FBXO34: variants seen among roughly 807,000 people sequenced by gnomAD.
The protein encoded by FBXO34 is F-box protein 34.
FBXO34 carries 12 observed loss-of-function variants against 24.5 expected under a neutral mutation model. That is an observed-to-expected ratio of 0.49 (90% confidence interval 0.31 to 0.79). The LOEUF is 0.79. Among genes scored for constraint, FBXO34 ranks in the 30% least tolerant of loss-of-function variants. FBXO34 has a pLI of 0.04. For synonymous variants in FBXO34, 320 were observed against 311.9 expected, an observed-to-expected ratio of 1.03 and a Z score of -0.27; for missense variants, 823 against 857.7, an observed-to-expected ratio of 0.96 and a Z score of 0.51.
chr14:55,326,305 C>T (rs1413425231), intron 1 of FBXO34, among the ~76,000 whole-genome samples: 1 of 152,170 alleles, frequency 6.6e-6, no homozygotes, highest in South Asian at 2.1e-4. Context: ...TAGGGAAGAT[C>T]TGGGGGACTA....
rs187900634 is a variant in FBXO34, at chr14:55,278,910, T to G, written c.-11+7373T>G. The stretch of plus-strand genomic sequence containing the variant: ...CCATGTTGCCCAGGCTAGTCTCGAG[T>G]TCCTGGGCTCAAGCCATCCTCCTGC... On this transcript the variant is annotated intron_variant, in intron 1 of 1. Transcript: ENST00000313833. 7.5e-3 allele frequency among the ~76,000 whole-genome samples: 1,138 copies of G among 152,264 alleles called. 9 individuals are homozygous for G. The highest frequency in any genetic ancestry group is 0.013 in the Non-Finnish European group (905 of 68,002).
At chr14:55,347,924 C>G (rs777199175) in intron 1 of FBXO34, among the ~76,000 whole-genome samples, 5 of 152,132 alleles carry the variant, frequency 3.3e-5, no homozygotes, top group Non-Finnish European at 7.3e-5. Flanking sequence ...TCAACACTTC[C>G]ATTTCTTTCA....
intron 3 of FBXO34, among the ~76,000 whole-genome samples, chr14:55,359,362 TTCCA>T (rs1594771063): frequency 2.0e-5 from 3 of 152,220 alleles, no homozygotes; most frequent in African/African-American, 7.2e-5. Context: ...ATAAAATTCG[TTCCA>T]TCCAACAGTT....
At chr14:55,332,899 A>G (rs912085359) in intron 1 of FBXO34, among the ~76,000 whole-genome samples, 5 of 152,180 alleles carry the variant, frequency 3.3e-5, no homozygotes, top group African/African-American at 1.2e-4. Flanking sequence ...GCGGACAGAG[A>G]CTGGGGAGAA....
At chr14:55,379,577 T>C in the FBXO34 span, among the ~76,000 whole-genome samples, 1 of 152,082 alleles carries the variant, frequency 6.6e-6, no homozygotes, top group African/African-American at 2.4e-5. Context: ...TTTAATTTTT[T>C]AAAAAAATTA....
At chr14:55,303,296 G>T (rs965684558) in intron 1 of FBXO34, among the ~76,000 whole-genome samples, 1 of 152,146 alleles carries the variant, frequency 6.6e-6, no homozygotes, top group Non-Finnish European at 1.5e-5. Context: ...TATAGTATCA[G>T]CTGGATACTC....
intron 1 of FBXO34, among the ~76,000 whole-genome samples, chr14:55,273,746 C>A (rs750783978): frequency 6.6e-6 from 1 of 152,142 alleles, no homozygotes; most frequent in Non-Finnish European, 1.5e-5. Flanking sequence ...ATGTGTCTTT[C>A]CCGAGCGGTA....
intron 1 of FBXO34, among the ~76,000 whole-genome samples, chr14:55,326,448 G>C (rs1411063671): frequency 6.6e-6 from 1 of 152,214 alleles, no homozygotes; most frequent in Non-Finnish European, 1.5e-5. Flanking sequence ...AGGTCTTGCT[G>C]TGGGACAAGG....
At chr14:55,377,990 AAAAC>A in the FBXO34 span, 5 of 1,607,908 alleles carry the variant, frequency 3.1e-6, no homozygotes, top group Non-Finnish European at 4.3e-6. Context: ...ATACCTGAGA[AAAAC>A]AAAGGTAAAG....
At chr14:55,415,222 T>C in the FBXO34 span, among the ~76,000 whole-genome samples, 1 of 152,180 alleles carries the variant, frequency 6.6e-6, no homozygotes, top group South Asian at 2.1e-4. Flanking sequence ...AATCAGTTAA[T>C]CTGATATTTT....
intron 1 of FBXO34, among the ~76,000 whole-genome samples, chr14:55,349,788 G>A (rs1884282521): frequency 6.6e-6 from 1 of 151,702 alleles, no homozygotes; most frequent in African/African-American, 2.4e-5. Flanking sequence ...TGTACTTTTA[G>A]TAAAGACAGG....
the FBXO34 span, among the ~76,000 whole-genome samples, chr14:55,404,259 T>C: frequency 6.6e-6 from 1 of 152,216 alleles, no homozygotes; most frequent in African/African-American, 2.4e-5. Flanking sequence ...TGGCTGAAAG[T>C]AGTTCAATTT....
chr14:55,323,017 C>CAAAAAAAAAAAAAAA (rs1444620301), intron 1 of FBXO34, among the ~76,000 whole-genome samples: 3 of 40,876 alleles, frequency 7.3e-5, no homozygotes, highest in Non-Finnish European at 9.5e-5. Context: ...ACTAAAAATA[C>CAAAAAAAAAAAAAAA]AAAAAAAAAA....
At chr14:55,438,216 C>T in the FBXO34 span, among the ~76,000 whole-genome samples, 1 of 152,116 alleles carries the variant, frequency 6.6e-6, no homozygotes, top group Admixed American at 6.5e-5. Context: ...ACAATGCTAC[C>T]TCCGCTAATG....
chr14:55,371,665 G>A (rs757513434), downstream of FBXO34, among the ~76,000 whole-genome samples: 15 of 152,282 alleles, frequency 9.9e-5, no homozygotes, highest in Non-Finnish European at 1.3e-4. Context: ...TTAGCTGGGT[G>A]TGATGGCGGG....
the FBXO34 span, chr14:55,411,547 C>T: frequency 3.3e-6 from 5 of 1,519,232 alleles, no homozygotes; most frequent in African/African-American, 4.1e-5. Context: ...CCTTCGGCTG[C>T]CTGGCTGGAG....
intron 1 of FBXO34, among the ~76,000 whole-genome samples, chr14:55,278,141 T>A (rs1026220688): frequency 3.9e-5 from 6 of 152,176 alleles, no homozygotes; most frequent in Admixed American, 1.3e-4. Context: ...GTATGTCTGC[T>A]TGCCCATACT....
downstream of FBXO34, among the ~76,000 whole-genome samples, chr14:55,374,879 C>T (rs1441527389): frequency 6.6e-6 from 1 of 152,320 alleles, no homozygotes; most frequent in East Asian, 1.9e-4. Flanking sequence ...TGCATGCTAA[C>T]AGCACTCTGT....
chr14:55,393,198 G>C, the FBXO34 span, among the ~76,000 whole-genome samples: 295 of 150,286 alleles, frequency 2.0e-3, no homozygotes, highest in African/African-American at 3.6e-3. Context: ...TGGCTAACAC[G>C]GTGAAACCCC....
Sources: gnomAD v4.1 joint callset for allele counts (sites outside exome capture counted in the v4.1 genomes callset) on GRCh38, gnomAD v4.1.1 for gene constraint, MANE v1.5 for transcripts, NCBI Gene and HGNC (gene_info 2026-07-23, HGNC 2026-07-21) for gene names.